STK3: variants seen among roughly 807,000 people sequenced by gnomAD.
STK3 encodes serine/threonine kinase 3.
In STK3, 41 loss-of-function variants were observed where a neutral mutation model predicts 58.0. The ratio of observed to expected loss-of-function variants is 0.71; its 90% CI spans 0.55 to 0.92. The LOEUF (loss-of-function observed/expected upper bound fraction) is 0.92, where lower values mean the gene tolerates loss of function less well. Among genes scored for constraint, STK3 ranks in the 40% least tolerant of loss-of-function variants. The pLI, the probability that STK3 is intolerant of heterozygous loss-of-function variation, is 0.00. For missense variants in STK3, 479 were observed against 602.7 expected (o/e 0.79, Z 2.15); for synonymous variants, 170 against 191.0 (o/e 0.89, Z 0.91).
intron 1 of STK3, among the ~76,000 whole-genome samples, chr8:98,926,849 A>G (rs772310063): frequency 6.6e-6 from 1 of 152,196 alleles, no homozygotes; most frequent in Non-Finnish European, 1.5e-5. Flanking sequence ...TAGGTGTGCT[A>G]TGGTACCAGC....
the STK3 span, among the ~76,000 whole-genome samples, chr8:98,346,199 T>G: frequency 9.2e-5 from 14 of 151,536 alleles, no homozygotes; most frequent in South Asian, 1.5e-3. Flanking sequence ...GAGGGAGAAT[T>G]GCTTGAACCT....
At chr8:98,811,073 C>G (rs1834188800) in intron 1 of STK3, among the ~76,000 whole-genome samples, 1 of 152,124 alleles carries the variant, frequency 6.6e-6, no homozygotes, top group African/African-American at 2.4e-5. Context: ...CATTAATTAC[C>G]CAGTCTCAGG....
chr8:98,700,336 G>A (rs1266064481), intron 6 of STK3, among the ~76,000 whole-genome samples: 2 of 152,188 alleles, frequency 1.3e-5, no homozygotes, highest in South Asian at 2.1e-4. Context: ...GCAATGCCTC[G>A]CCCTGCTTCG....
intron 3 of STK3, among the ~76,000 whole-genome samples, chr8:98,870,985 T>A (rs1489804561): frequency 6.6e-6 from 1 of 152,214 alleles, no homozygotes; most frequent in African/African-American, 2.4e-5. Context: ...GGTCTAACAT[T>A]TAAGTCTTTA....
At chr8:98,543,269 G>C (rs1810436415) in intron 9 of STK3, among the ~76,000 whole-genome samples, 1 of 152,130 alleles carries the variant, frequency 6.6e-6, no homozygotes, top group Non-Finnish European at 1.5e-5. Flanking sequence ...AGGTAAGTAG[G>C]AACCAGAGCA....
At chr8:98,498,536 T>A (rs1823325777) in intron 10 of STK3, among the ~76,000 whole-genome samples, 1 of 152,168 alleles carries the variant, frequency 6.6e-6, no homozygotes, top group South Asian at 2.1e-4. Flanking sequence ...CTGTAATAAT[T>A]TTTGTCATTA....
chr8:98,941,357 AG>A (rs1392582168), intron 1 of STK3, among the ~76,000 whole-genome samples: 3 of 152,186 alleles, frequency 2.0e-5, no homozygotes, highest in Non-Finnish European at 2.9e-5. Context: ...AGCAGAGCCA[AG>A]CTCCCTACTC....
chr8:98,570,658 A>C (rs976572334), intron 8 of STK3, among the ~76,000 whole-genome samples: 1 of 152,210 alleles, frequency 6.6e-6, no homozygotes, highest in Non-Finnish European at 1.5e-5. Context: ...AAACAGAACA[A>C]TAACAAAAAC....
At chr8:98,506,014 T>C (rs573933763) in intron 10 of STK3, among the ~76,000 whole-genome samples, 4 of 152,352 alleles carry the variant, frequency 2.6e-5, no homozygotes, top group Non-Finnish European at 5.9e-5. Context: ...GTGGGGTCTA[T>C]AGAGTCAGCA....
intron 3 of STK3, among the ~76,000 whole-genome samples, chr8:98,760,878 G>A (rs1400280209): frequency 6.6e-6 from 1 of 151,340 alleles, no homozygotes; most frequent in Non-Finnish European, 1.5e-5. Flanking sequence ...AAAAAAATGA[G>A]AAAAACCAAA....
chr8:98,871,772 A>C (rs1837389540), intron 3 of STK3, among the ~76,000 whole-genome samples: 1 of 152,198 alleles, frequency 6.6e-6, no homozygotes, highest in Non-Finnish European at 1.5e-5. Context: ...TAAATATACA[A>C]TCATGTCATC....
intron 8 of STK3, among the ~76,000 whole-genome samples, chr8:98,575,534 C>T (rs1024359351): frequency 2.0e-5 from 3 of 151,738 alleles, no homozygotes; most frequent in Non-Finnish European, 4.4e-5. Context: ...TTCTTTCCCA[C>T]ACCCTGCACA....
upstream of STK3, among the ~76,000 whole-genome samples, chr8:98,826,854 G>C (rs1246556785): frequency 1.5e-5 from 2 of 132,860 alleles, no homozygotes; most frequent in Non-Finnish European, 3.1e-5. Flanking sequence ...GTGAAACCTC[G>C]TCTCTACTAA....
chr8:98,481,867 G>A (rs963841634), intron 10 of STK3, among the ~76,000 whole-genome samples: 1 of 152,036 alleles, frequency 6.6e-6, no homozygotes, highest in Non-Finnish European at 1.5e-5. Context: ...ATGATGTTTT[G>A]ATAATCAGAC....
intron 9 of STK3, among the ~76,000 whole-genome samples, chr8:98,536,850 A>G (rs553611400): frequency 6.6e-6 from 1 of 152,362 alleles, no homozygotes; most frequent in South Asian, 2.1e-4. Flanking sequence ...AGCAATCTGC[A>G]GTTTCACTGC....
At chr8:98,498,809 C>T (rs1823354948) in intron 10 of STK3, among the ~76,000 whole-genome samples, 1 of 152,110 alleles carries the variant, frequency 6.6e-6, no homozygotes, top group Non-Finnish European at 1.5e-5. Flanking sequence ...TTGCTGATTC[C>T]TCGTCTTCTC....
At chr8:98,828,370 G>A (rs943299199), upstream of STK3, among the ~76,000 whole-genome samples, 2 of 139,314 alleles carry the variant, frequency 1.4e-5, no homozygotes, top group African/African-American at 2.6e-5. Context: ...GGGAATCCAA[G>A]GCAGGCAGAT....
intron 3 of STK3, among the ~76,000 whole-genome samples, chr8:98,858,198 A>G (rs1481277751): frequency 6.0e-5 from 9 of 150,526 alleles, no homozygotes; most frequent in African/African-American, 9.8e-5. Context: ...CCTGGCCAAC[A>G]TGACGAAACC....
At chr8:98,517,743 TATTTCAAAAGGTAAAC>T (rs1825042363) in intron 10 of STK3, among the ~76,000 whole-genome samples, 1 of 152,108 alleles carries the variant, frequency 6.6e-6, no homozygotes, top group African/African-American at 2.4e-5. Context: ...ATGCTTTATT[TATTTCAAAAGGTAAAC>T]ACTGTTGGGC....
Sources: gnomAD v4.1 joint callset for allele counts (sites outside exome capture counted in the v4.1 genomes callset) on GRCh38, gnomAD v4.1.1 for gene constraint, MANE v1.5 for transcripts, NCBI Gene and HGNC (gene_info 2026-07-23, HGNC 2026-07-21) for gene names.